Variants in KLHL31 observed in about 807,000 individuals in gnomAD.
KLHL31 encodes kelch like family member 31.
KLHL31 carries 32 observed loss-of-function variants against 47.1 expected under a neutral mutation model. That is an observed-to-expected ratio of 0.68 (90% CI 0.51 to 0.91). The LOEUF (loss-of-function observed/expected upper bound fraction) is 0.91. KLHL31 is among the 40% of genes least tolerant of loss of function. The probability of loss-of-function intolerance (pLI) is 0.00; values close to 1 mark genes in which losing one functional copy is unlikely to be tolerated. For synonymous variants in KLHL31, 330 were observed against 325.1 expected (o/e 1.01, Z -0.16); for missense variants, 797 against 819.3 (o/e 0.97, Z 0.33).
chr6:53,654,427 A>G lies in KLHL31; in HGVS notation c.846T>C (p.Ala282=). 1.2e-6 allele frequency: 2 copies of G among 1,614,224 alleles called. No homozygotes were observed. Among genetic ancestry groups the G allele is most frequent in the Non-Finnish European group, 1.7e-6 (2 of 1,180,034 alleles). The change falls in exon 2 of 3, where the codon GCT becomes GCC. Residue 282 remains alanine, a synonymous_variant. Transcript: ENST00000370905. ...VQSVPRMMQD[A]DCHRLLVDAM... ...CATCTACGAGAAGTCTGTGACAATC[A>G]GCATCTTGCATCATTCTTGGTACGG...
At chr6:53,658,011 G>A (rs182059357) in intron 1 of KLHL31, among the ~76,000 whole-genome samples, 17 of 152,206 alleles carry the variant, frequency 1.1e-4, no homozygotes, top group Admixed American at 9.2e-4. Flanking sequence ...TCATTTTAAT[G>A]CTCAAATGCA....
At position 53,652,228 on chromosome 6, in the gene KLHL31, G is replaced by T. The variant is rs773069992; in HGVS notation, c.1275C>A (p.Gly425=). Residue 425 remains glycine (G), a synonymous_variant, in exon 3 of 3, where the codon GGC becomes GGA. Transcript: ENST00000370905. The stretch of plus-strand genomic sequence containing the variant: ...CCAGGCTTCCTTCTGCGTTGCGGCC[G>T]CCCGCGGCGTACACGAGCCCGTTGA... ...SVFNGLVYAA[G]GRNAEGSLAS... is the part of the protein sequence containing the mutation. 1 of 1,613,704 alleles carries T rather than the reference G, an allele frequency of 6.2e-7. No homozygotes were observed.
chr6:53,663,697 C>T (rs916797561), intron 1 of KLHL31, among the ~76,000 whole-genome samples: 4 of 152,206 alleles, frequency 2.6e-5, no homozygotes, highest in African/African-American at 9.6e-5. Flanking sequence ...CACAAGGACA[C>T]AGTACAAAGT....
chr6:53,656,608 T>C (rs1764564453), intron 1 of KLHL31, among the ~76,000 whole-genome samples: 1 of 152,078 alleles, frequency 6.6e-6, no homozygotes, highest in African/African-American at 2.4e-5. Context: ...CACTTAAAAA[T>C]CAATGAGAAA....
rs1480010513 is a variant in KLHL31, at chr6:53,652,098, G to A, written c.1405C>T (p.Leu469=). 6.3e-7 allele frequency: 1 copy of A among 1,599,770 alleles called. No homozygotes were observed. The highest frequency in any genetic ancestry group is 8.5e-7 in the Non-Finnish European group (1 of 1,177,950). ...HASAVADGRV[L]VTGGYIANAY... Reference sequence around the variant, plus strand: ...TTGGCTATGTAGCCTCCGGTCACCAGCACGCGGCCGTCGGCGACCGCGCTA... The same window carrying A: ...TTGGCTATGTAGCCTCCGGTCACCAACACGCGGCCGTCGGCGACCGCGCTA... The change falls in exon 3 of 3, where the codon CTG becomes TTG. Residue 469 remains leucine (L), a synonymous_variant. Transcript: ENST00000370905.
intron 1 of KLHL31, among the ~76,000 whole-genome samples, chr6:53,657,155 T>C (rs559827560): frequency 7.9e-5 from 12 of 152,118 alleles, no homozygotes; most frequent in Non-Finnish European, 1.6e-4. Flanking sequence ...CCCAGGCTGG[T>C]CTCAAACTCC....
chr6:53,665,045 A>T (rs759252512), intron 1 of KLHL31, among the ~76,000 whole-genome samples: 81 of 129,148 alleles, frequency 6.3e-4, no homozygotes, highest in South Asian at 2.3e-3. Context: ...CAAATAACAA[A>T]TTTTTTTTTT....
At chr6:53,656,163 G>A (rs1764558411) in intron 1 of KLHL31, among the ~76,000 whole-genome samples, 1 of 152,172 alleles carries the variant, frequency 6.6e-6, no homozygotes, top group African/African-American at 2.4e-5. Context: ...AGTACTATAG[G>A]ATTTTGCCAG....
rs1561984435 is a variant in KLHL31 at position 53,654,823 on chromosome 6, AAGATAAAC to A, written c.442_449del (p.Val148SerfsTer11). On this transcript the variant is annotated frameshift_variant, in exon 2 of 3. Transcript: ENST00000370905. LOFTEE classifies it high-confidence loss of function. ...ACATCTTTACAAGAGTATGGATCTG[AAGATAAAC>A]AGCAGCAGAAATAATGCTTCCTATT... 6.2e-7 allele frequency: 1 copy of A among 1,614,136 alleles called. No individual in the cohort carries two copies.
At position 53,652,124 on chromosome 6, in the gene KLHL31, G is replaced by GCGTGGCAGCAGCGCGCCAC; in HGVS notation, c.1360_1378dup (p.Ala460GlyfsTer8). On this transcript the variant is annotated frameshift_variant, in exon 3 of 3. Coordinates refer to ENST00000370905, the MANE Select transcript of KLHL31 (RefSeq NM_001003760.5). LOFTEE classifies it high-confidence loss of function. ...CACGCGGCCGTCGGCGACCGCGCTA[G>GCGTGGCAGCAGCGCGCCAC]CGTGGCAGCAGCGCGCCACCTCCAG... 2.5e-6 allele frequency: 4 copies of GCGTGGCAGCAGCGCGCCAC among 1,601,784 alleles called. No individual in the cohort carries two copies. The highest frequency in any genetic ancestry group is 3.4e-6 in the Non-Finnish European group (4 of 1,178,256).
At chr6:53,664,216 C>T (rs77771017) in intron 1 of KLHL31, among the ~76,000 whole-genome samples, 8,085 of 152,254 alleles carry the variant, frequency 0.053, 288 homozygotes, top group East Asian at 0.091. Flanking sequence ...ATGAATCATA[C>T]TTTAGTATAA....
Position 53,655,230 on chromosome 6 carries a change from T to C in KLHL31, c.43A>G (p.Ile15Val). The change falls in exon 2 of 3, where the codon ATC becomes GTC. Residue 15 changes from isoleucine to valine, a missense_variant. Ile to Val is a conservative substitution (Grantham distance 29). Coordinates refer to ENST00000370905, the MANE Select transcript of KLHL31 (RefSeq NM_001003760.5). ...KKIVKKNKGD[I>V]NEMTIIVEDS... ...TCTACGATTATAGTCATCTCATTGA[T>C]ATCTCCTTTGTTCTTTTTGACAATC... 1 of 1,603,588 alleles carries C rather than the reference T, an allele frequency of 6.2e-7. No homozygotes were observed. Among genetic ancestry groups the C allele is most frequent in the East Asian group, 2.2e-5 (1 of 44,808 alleles).
In KLHL31 at chr6:53,654,732, T is replaced by C; in HGVS notation, c.541A>G (p.Thr181Ala). 1 of 1,614,190 alleles carries C rather than the reference T, an allele frequency of 6.2e-7. No homozygotes were observed. The highest frequency in any genetic ancestry group is 8.5e-7 in the Non-Finnish European group (1 of 1,180,036). The change falls in exon 2 of 3, where the codon ACA (threonine) becomes GCA (alanine). Residue 181 changes from threonine to alanine, a missense_variant. Coordinates refer to ENST00000370905, the MANE Select transcript of KLHL31 (RefSeq NM_001003760.5). ...GCTTTTGCATTTTTTAGGGAGTATG[T>C]TTCAGCAATATTAACAACATACATG... ...NCMYVVNIAE[T>A]YSLKNAKAAA...
chr6:53,662,865 G>A (rs188233344), intron 1 of KLHL31, among the ~76,000 whole-genome samples: 3 of 152,234 alleles, frequency 2.0e-5, no homozygotes, highest in East Asian at 1.9e-4. Context: ...CACCAAGCAG[G>A]AAACTGTTTT....
Position 53,651,864 on chromosome 6 carries a change from A to T in KLHL31, c.1639T>A (p.Tyr547Asn). The T allele has an allele frequency of 6.2e-7, 1 of 1,603,256 alleles. No individual in the cohort carries two copies. The highest frequency in any genetic ancestry group is 1.3e-5 in the African/African-American group (1 of 74,964). ...CYSPATGQWS[Y>N]AAPLQVGVST... is the part of the protein sequence containing the mutation. ...ACTCCCACCTGCAGCGGCGCCGCGT[A>T]GCTCCACTGGCCGGTCGCGGGGCTG... Residue 547 changes from tyrosine (Y) to asparagine (N), a missense_variant, in exon 3 of 3, where the codon TAC becomes AAC. Transcript: ENST00000370905.
Position 53,660,936 on chromosome 6 carries a change from G to A in KLHL31, c.-34+4665C>T, listed in dbSNP as rs1286895397. Among the ~76,000 whole-genome samples, 4 of 152,214 alleles carry A rather than the reference G, an allele frequency of 2.6e-5. 1 individual carries two copies. Among genetic ancestry groups the A allele is most frequent in the South Asian group, 2.1e-4 (1 of 4,816 alleles). ...AGAGCTACCATGATATCTCATTGCC[G>A]GGTCTGCAACTCATAGGTAAGGCTG... On this transcript the variant is annotated intron_variant, in intron 1 of 2. Transcript: ENST00000370905.
chr6:53,652,091 G>T lies in KLHL31; in HGVS notation c.1412C>A (p.Thr471Asn). 6.3e-7 allele frequency: 1 copy of T among 1,599,464 alleles called. No homozygotes were observed. ...SAVADGRVLV[T>N]GGYIANAYSR... ...GTAGGCGTTGGCTATGTAGCCTCCG[G>T]TCACCAGCACGCGGCCGTCGGCGAC... is the stretch of plus-strand genomic sequence containing the variant. The change falls in exon 3 of 3, where the codon ACC becomes AAC. Residue 471 changes from threonine (T) to asparagine (N), a missense_variant. Physicochemically the swap from Thr to Asn is moderately conservative, Grantham distance 65. Coordinates refer to ENST00000370905, the MANE Select transcript of KLHL31 (RefSeq NM_001003760.5).
chr6:53,658,417 A>G (rs979936098), intron 1 of KLHL31, among the ~76,000 whole-genome samples: 11 of 152,184 alleles, frequency 7.2e-5, no homozygotes, highest in African/African-American at 2.4e-4. Flanking sequence ...GTTGTTTCAT[A>G]AGTAGCATGT....
chr6:53,652,970 A>T (rs1764499190), intron 2 of KLHL31, among the ~76,000 whole-genome samples: 1 of 152,224 alleles, frequency 6.6e-6, no homozygotes, highest in Non-Finnish European at 1.5e-5. Flanking sequence ...ACAAAGGCTT[A>T]ACTTTGGATA....
Sources: allele counts gnomAD v4.1 joint callset (sites outside exome capture counted in the v4.1 genomes callset), GRCh38; gene constraint gnomAD v4.1.1; transcripts MANE v1.5; gene names NCBI Gene and HGNC (gene_info 2026-07-23, HGNC 2026-07-21).